Variants in DGKB observed in about 807,000 individuals in gnomAD.
The protein encoded by DGKB is 90 kDa diacylglycerol kinase.
Under a neutral mutation model 114.3 loss-of-function variants are expected in DGKB, and 67 were observed. That is an observed-to-expected ratio of 0.59 (90% CI 0.48 to 0.72). DGKB has a LOEUF of 0.72. DGKB is among the 30% of genes least tolerant of loss of function. The probability of loss-of-function intolerance (pLI) is 0.00; values close to 1 mark genes in which losing one functional copy is unlikely to be tolerated. For missense variants in DGKB, 907 were observed against 975.2 expected (o/e 0.93, Z 0.93); for synonymous variants, 398 against 323.1 (o/e 1.23, Z -2.49).
intron 13 of DGKB, among the ~76,000 whole-genome samples, chr7:14,658,273 G>A (rs1474290425): frequency 6.6e-6 from 1 of 151,936 alleles, no homozygotes; most frequent in African/African-American, 2.4e-5. Flanking sequence ...CAGCAACATA[G>A]ATGGAACTGG....
rs1331403138 is a variant in DGKB, at chr7:14,561,994, GT to G, written c.1770+12217del. Among the ~76,000 whole-genome samples the G allele has an allele frequency of 7.2e-5, 11 of 152,236 alleles. No individual in the cohort carries two copies. The East Asian group carries it at 2.1e-3, about 30-fold the overall frequency. On this transcript the variant is annotated intron_variant, in intron 20 of 25. Coordinates refer to ENST00000402815, the MANE Select transcript of DGKB (RefSeq NM_001350709.2). ...CCTGGGGGCCTTGGAGGAAAAAATG[GT>G]TTTATGGGCTGGGCCCAGGGCCCCC...
chr7:14,733,668 C>A (rs1831235641), intron 5 of DGKB, among the ~76,000 whole-genome samples: 1 of 150,596 alleles, frequency 6.6e-6, no homozygotes, highest in South Asian at 2.1e-4. Flanking sequence ...AGCCTGAGAC[C>A]CTGTGTCAGA....
At chr7:14,859,431 G>C (rs1306863720) in intron 1 of DGKB, among the ~76,000 whole-genome samples, 1 of 152,056 alleles carries the variant, frequency 6.6e-6, no homozygotes, top group East Asian at 1.9e-4. Context: ...ATATAGGTGA[G>C]TCAGAAAGAA....
intron 2 of DGKB, among the ~76,000 whole-genome samples, chr7:14,818,304 G>A (rs755378117): frequency 1.3e-5 from 2 of 152,138 alleles, no homozygotes; most frequent in African/African-American, 2.4e-5. Context: ...AAGGGAGGTC[G>A]AATTTCTATT....
At chr7:14,169,313 C>T (rs183420607) in intron 25 of DGKB, among the ~76,000 whole-genome samples, 35 of 145,106 alleles carry the variant, frequency 2.4e-4, no homozygotes, top group South Asian at 1.1e-3. Flanking sequence ...TGCAGTGAGC[C>T]GAGATGGCAC....
intron 21 of DGKB, among the ~76,000 whole-genome samples, chr7:14,443,728 A>C (rs190765195): frequency 2.6e-5 from 4 of 151,968 alleles, no homozygotes; most frequent in African/African-American, 9.6e-5. Context: ...AAATTTGAAA[A>C]TTTTGTTGGC....
intron 21 of DGKB, among the ~76,000 whole-genome samples, chr7:14,349,207 G>C (rs1162412997): frequency 6.6e-6 from 1 of 152,006 alleles, no homozygotes; most frequent in Non-Finnish European, 1.5e-5. Flanking sequence ...AAATGAGGTA[G>C]AATCAATAGG....
chr7:14,705,301 A>G (rs371129917), intron 6 of DGKB, among the ~76,000 whole-genome samples: 1 of 149,668 alleles, frequency 6.7e-6, no homozygotes, highest in South Asian at 2.1e-4. Flanking sequence ...AAAGCCTCCA[A>G]GAAATATGGG....
At chr7:14,486,807 T>C (rs996511250) in intron 20 of DGKB, among the ~76,000 whole-genome samples, 30 of 152,106 alleles carry the variant, frequency 2.0e-4, no homozygotes, top group Non-Finnish European at 1.3e-4. Context: ...CAGTACCAAA[T>C]CTATGGTAAA....
chr7:14,177,992 C>G (rs1430246205), intron 24 of DGKB, 39 bp downstream of exon 24: 7 of 1,510,776 alleles, frequency 4.6e-6, no homozygotes, highest in Non-Finnish European at 6.2e-6. Flanking sequence ...GAGGCTATGC[C>G]ATATCAAACG....
Position 14,698,159 on chromosome 7 carries a change from T to A in DGKB, c.527A>T (p.Asn176Ile). The stretch of plus-strand genomic sequence containing the variant: ...AACATGCATCATCTGACTGATGATA[T>A]TTTCTAGCTCCTGGAAGAGAAAGAG... ...NGFLDSSELE[N>I]IISQMMHVAE... The change falls in exon 8 of 26, where the codon AAT becomes ATT. Residue 176 changes from asparagine (N) to isoleucine (I), a missense_variant. Around this residue, in one of 3 missense-constraint regions of DGKB, gnomAD observed 814 missense variants for 856.6 expected, o/e 0.95. Transcript: ENST00000402815. 1 of 1,527,024 alleles carries A rather than the reference T, an allele frequency of 6.5e-7. No individual in the cohort carries two copies. The highest frequency in any genetic ancestry group is 8.8e-7 in the Non-Finnish European group (1 of 1,138,522). The allele number at this position is 1,527,024 out of a possible 1,614,324, so 94.6% of individuals were successfully genotyped here. A position where few individuals can be genotyped will look rare whatever the true frequency, so the allele number is the denominator to read the frequency against.
intron 25 of DGKB, among the ~76,000 whole-genome samples, chr7:14,153,715 A>T (rs1184418055): frequency 1.3e-5 from 2 of 152,074 alleles, no homozygotes; most frequent in Non-Finnish European, 2.9e-5. Flanking sequence ...AAAATTTCAA[A>T]GTGAAGGGAT....
chr7:14,623,382 T>C (rs1475101146), intron 14 of DGKB, among the ~76,000 whole-genome samples: 1 of 152,168 alleles, frequency 6.6e-6, no homozygotes, highest in Non-Finnish European at 1.5e-5. Context: ...ATGTATGGGG[T>C]AACTGAGAAA....
chr7:14,719,229 A>C (rs1389243794), intron 5 of DGKB, among the ~76,000 whole-genome samples: 1 of 152,208 alleles, frequency 6.6e-6, no homozygotes, highest in Non-Finnish European at 1.5e-5. Flanking sequence ...AGTAAGAATA[A>C]AGAGAACATA....
chr7:14,663,089 T>C (rs1403692924), intron 13 of DGKB, among the ~76,000 whole-genome samples: 1 of 152,018 alleles, frequency 6.6e-6, no homozygotes, highest in Non-Finnish European at 1.5e-5. Flanking sequence ...GCTCGCTTCA[T>C]ATCACAAAAC....
intron 20 of DGKB, among the ~76,000 whole-genome samples, chr7:14,519,695 G>A (rs895550112): frequency 6.6e-6 from 1 of 151,638 alleles, no homozygotes; most frequent in Admixed American, 6.6e-5. Context: ...CCAGGTATTG[G>A]ACATACTCAC....
intron 2 of DGKB, among the ~76,000 whole-genome samples, chr7:14,840,423 T>C (rs1368583117): frequency 6.6e-6 from 1 of 152,196 alleles, no homozygotes; most frequent in Non-Finnish European, 1.5e-5. Context: ...TTCATATTTA[T>C]AGTTGAAAGT....
chr7:14,164,580 A>G (rs1440555601), intron 25 of DGKB, among the ~76,000 whole-genome samples: 1 of 152,192 alleles, frequency 6.6e-6, no homozygotes, highest in Non-Finnish European at 1.5e-5. Flanking sequence ...TTTTCTTTTT[A>G]TGTAATTATG....
chr7:14,170,147 A>AGACAGACAGACAGAC (rs1780695895), intron 25 of DGKB, among the ~76,000 whole-genome samples: 1 of 37,286 alleles, frequency 2.7e-5, no homozygotes, highest in South Asian at 7.1e-4. Flanking sequence ...AAAAAAAAAA[A>AGACAGACAGACAGAC]AGAAAGAAAG....
Sources: gnomAD v4.1 joint callset for allele counts (sites outside exome capture counted in the v4.1 genomes callset) on GRCh38, gnomAD v4.1.1 for gene constraint, gnomAD v4.1.1 regional missense constraint, MANE v1.5 for transcripts, NCBI Gene and HGNC (gene_info 2026-07-23, HGNC 2026-07-21) for gene names.